CTSC: variants seen among roughly 807,000 people sequenced by gnomAD.
CTSC encodes the protein cathepsin C, also known as dipeptidyl peptidase 1.
CTSC carries 37 observed loss-of-function variants against 40.9 expected under a neutral mutation model. The ratio of observed to expected loss-of-function variants is 0.91; its 90% CI spans 0.70 to 1.19. CTSC has a LOEUF of 1.19. Ranked by LOEUF, CTSC falls within the 50% of genes most tolerant of loss-of-function variation. CTSC has a pLI of 0.00. For missense variants in CTSC, 594 were observed against 567.3 expected, an observed-to-expected ratio of 1.05 and a Z score of -0.48; for synonymous variants, 232 against 207.4, an observed-to-expected ratio of 1.12 and a Z score of -1.02.
chr11:88,331,147 C>A (rs1213725224), intron 2 of CTSC, among the ~76,000 whole-genome samples: 1 of 152,182 alleles, frequency 6.6e-6, no homozygotes, highest in South Asian at 2.1e-4. Context: ...GTTCTCCCCA[C>A]CAGCAAGCAA....
intron 2 of CTSC, among the ~76,000 whole-genome samples, chr11:88,317,670 CGTT>C (rs980486905): frequency 3.3e-5 from 5 of 152,094 alleles, no homozygotes; most frequent in Non-Finnish European, 5.9e-5. Flanking sequence ...TGATTTCTGA[CGTT>C]GTATCACCAA....
At chr11:88,318,168 T>C (rs1208703581) in intron 2 of CTSC, among the ~76,000 whole-genome samples, 1 of 152,234 alleles carries the variant, frequency 6.6e-6, no homozygotes, top group East Asian at 1.9e-4. Context: ...ATAATATACT[T>C]AGCCAATGTC....
chr11:88,327,178 G>A (rs1938216090), intron 2 of CTSC, among the ~76,000 whole-genome samples: 2 of 152,196 alleles, frequency 1.3e-5, no homozygotes, highest in African/African-American at 4.8e-5. Flanking sequence ...TCTGTTATTA[G>A]TGGCTGTATG....
chr11:88,316,512 G>C (rs1937882497), intron 2 of CTSC, among the ~76,000 whole-genome samples: 1 of 95,576 alleles, frequency 1.0e-5, no homozygotes, highest in Non-Finnish European at 2.0e-5. Flanking sequence ...AATGAAGCAG[G>C]GATGATAATT....
intron 2 of CTSC, among the ~76,000 whole-genome samples, chr11:88,330,254 T>G (rs1028833011): frequency 1.3e-5 from 2 of 152,204 alleles, no homozygotes; most frequent in Admixed American, 1.3e-4. Flanking sequence ...TTCAAATGCT[T>G]AGATACCCAC....
At chr11:88,312,295 T>G in intron 3 of CTSC, 93 bp downstream of exon 3, 1 of 1,212,590 alleles carries the variant, frequency 8.2e-7, no homozygotes, top group Non-Finnish European at 1.2e-6. Context: ...AAAGATATTT[T>G]GTATAATCAA....
rs535806699 is a variant in CTSC at position 88,318,903 on chromosome 11, C to T, written c.319-6349G>A. On this transcript the variant is annotated intron_variant, in intron 2 of 6. Coordinates refer to ENST00000227266, the MANE Select transcript of CTSC (RefSeq NM_001814.6). ...AGCCTTGGCAAAAAGAGGGAAACAC[C>T]GGCTCAAAAATAAATAAATAAATAA... 1.1e-4 allele frequency among the ~76,000 whole-genome samples: 17 copies of T among 152,020 alleles called. No individual in the cohort carries two copies. The South Asian group carries it at 2.9e-3, about 26-fold the overall frequency.
intron 4 of CTSC, among the ~76,000 whole-genome samples, chr11:88,307,007 C>T (rs889758370): frequency 6.6e-6 from 1 of 152,134 alleles, no homozygotes; most frequent in African/African-American, 2.4e-5. Context: ...GCAAGGGCAA[C>T]CAAAGGTGTG....
At chr11:88,329,297 C>G (rs1313804370) in intron 2 of CTSC, among the ~76,000 whole-genome samples, 2 of 151,750 alleles carry the variant, frequency 1.3e-5, no homozygotes, top group Non-Finnish European at 2.9e-5. Flanking sequence ...GTCTGGTCAA[C>G]ATGGTGAAAC....
At chr11:88,324,108 A>C (rs1416676213) in intron 2 of CTSC, 2 of 152,218 alleles carry the variant, frequency 1.3e-5, no homozygotes, top group Non-Finnish European at 2.9e-5. Flanking sequence ...CCACACATCT[A>C]CAACCATCTA....
At chr11:88,305,965 G>A (rs1003854633) in intron 4 of CTSC, among the ~76,000 whole-genome samples, 8 of 152,166 alleles carry the variant, frequency 5.3e-5, no homozygotes, top group African/African-American at 1.9e-4. Flanking sequence ...CTTGATGCTT[G>A]TTTGGATTTT....
chr11:88,326,526 T>TA lies in CTSC; in HGVS notation c.318+8410dup, dbSNP rs3837397. The TA allele has an allele frequency of 0.38, 253,455 of 664,436 alleles. 18,629 individuals carry two copies. Among genetic ancestry groups the TA allele is most frequent in the Admixed American group, 0.42 (15,586 of 37,440 alleles). The allele number at this position is 664,436 out of a possible 1,614,324, so 41.2% of individuals were successfully genotyped here. On this transcript the variant is annotated intron_variant, in intron 2 of 6. Transcript: ENST00000227266. ...ATTTAATCATATCAGTTTCTTTAAG[T>TA]AAAAAAAAAAAAAAATACCAGCACT...
chr11:88,296,438 T>A, intron 5 of CTSC, 174 bp from the exon 6 acceptor site: 1 of 717,242 alleles, frequency 1.4e-6, no homozygotes, highest in Non-Finnish European at 2.3e-6. Context: ...ATTAAGGCAA[T>A]CATTAAGATT....
chr11:88,317,511 C>T (rs74528963), intron 2 of CTSC, among the ~76,000 whole-genome samples: 163 of 152,246 alleles, frequency 1.1e-3, no homozygotes, highest in Admixed American at 4.5e-3. Context: ...CCACTCTGCA[C>T]GACAACAACT....
intron 2 of CTSC, among the ~76,000 whole-genome samples, chr11:88,328,857 C>G (rs1449998087): frequency 1.3e-5 from 2 of 152,190 alleles, no homozygotes; most frequent in African/African-American, 4.8e-5. Flanking sequence ...CTTCTGACCT[C>G]AGGTGATCCA....
chr11:88,329,928 C>T (rs1938305005), intron 2 of CTSC, among the ~76,000 whole-genome samples: 1 of 152,164 alleles, frequency 6.6e-6, no homozygotes, highest in South Asian at 2.1e-4. Flanking sequence ...GGTTTCACCA[C>T]GTTGGCCACG....
chr11:88,306,884 G>C (rs1386304084), intron 4 of CTSC, among the ~76,000 whole-genome samples: 2 of 152,152 alleles, frequency 1.3e-5, no homozygotes, highest in East Asian at 3.9e-4. Context: ...TGGGCTTCAG[G>C]AGTCTCCAAC....
chr11:88,333,090 C>A (rs1046737774), intron 2 of CTSC, among the ~76,000 whole-genome samples: 5 of 152,166 alleles, frequency 3.3e-5, no homozygotes, highest in Non-Finnish European at 7.3e-5. Flanking sequence ...TCTGTCCCTA[C>A]CAGCTTTGGA....
chr11:88,321,988 G>T (rs948581467), intron 2 of CTSC: 1 of 152,148 alleles, frequency 6.6e-6, no homozygotes, highest in Non-Finnish European at 1.5e-5. Context: ...ATTTTGATAT[G>T]CACGTCTCTA....
Sources: gnomAD v4.1 joint callset for allele counts (sites outside exome capture counted in the v4.1 genomes callset) on GRCh38, gnomAD v4.1.1 for gene constraint, MANE v1.5 for transcripts, NCBI Gene and HGNC (gene_info 2026-07-23, HGNC 2026-07-21) for gene names.